The following UMAD1 variants were observed in gnomAD, a reference collection of about 807,000 sequenced individuals.
The protein encoded by UMAD1 is UBAP1-MVB12-associated (UMA) domain containing 1.
UMAD1 carries 8 observed loss-of-function variants against 6.1 expected under a neutral mutation model. That is an observed-to-expected ratio of 1.30 (90% CI 0.76 to 2.35). The LOEUF (loss-of-function observed/expected upper bound fraction) is 2.35, where lower values mean the gene tolerates loss of function less well. Among genes scored for constraint, UMAD1 ranks in the 30% most tolerant of loss-of-function variants. UMAD1 has a pLI of 0.00. For missense variants in UMAD1, 130 were observed against 78.4 expected (o/e 1.66, Z -2.49); for synonymous variants, 56 against 31.4 (o/e 1.78, Z -2.61).
chr7:7,717,056 T>C (rs117310337), intron 2 of UMAD1, among the ~76,000 whole-genome samples: 11,540 of 149,758 alleles, frequency 0.077, 579 homozygotes, highest in Non-Finnish European at 0.098. Flanking sequence ...TTCTTTCTTT[T>C]TTTCTTTTTT....
At chr7:7,789,952 T>A (rs1279608990) in intron 2 of UMAD1, among the ~76,000 whole-genome samples, 1 of 152,204 alleles carries the variant, frequency 6.6e-6, no homozygotes, top group Non-Finnish European at 1.5e-5. Context: ...TGCTTTCGGT[T>A]CCTTTGGGAA....
intron 2 of UMAD1, among the ~76,000 whole-genome samples, chr7:7,781,963 T>C (rs6944658): frequency 0.48 from 72,261 of 151,858 alleles, 17,205 homozygotes; most frequent in Non-Finnish European, 0.51. Context: ...TTTCTCTAGC[T>C]TTGTATTTTG....
At chr7:7,667,026 C>G (rs541226143) in intron 1 of UMAD1, among the ~76,000 whole-genome samples, 1 of 152,288 alleles carries the variant, frequency 6.6e-6, no homozygotes, top group Admixed American at 6.5e-5. Context: ...TAGGCCAGGT[C>G]TCTAACTCCT....
At chr7:7,752,134 TAAAAC>T (rs1781689973) in intron 2 of UMAD1, among the ~76,000 whole-genome samples, 1 of 152,084 alleles carries the variant, frequency 6.6e-6, no homozygotes, top group East Asian at 1.9e-4. Flanking sequence ...TAATGGAACA[TAAAAC>T]TAAAGCAACA....
intron 2 of UMAD1, among the ~76,000 whole-genome samples, chr7:7,791,256 G>A (rs2115264080): frequency 1.3e-5 from 2 of 152,288 alleles, no homozygotes; most frequent in South Asian, 4.2e-4. Flanking sequence ...ATTTTTTTAT[G>A]GCAGTCCTGT....
chr7:7,643,861 T>G (rs10253697), intron 1 of UMAD1, among the ~76,000 whole-genome samples: 51,094 of 151,798 alleles, frequency 0.34, 9,852 homozygotes, highest in African/African-American at 0.52. Context: ...AAAGTAAACT[T>G]CCATTCCTGC....
chr7:7,643,690 CCACAGAGCGAGACT>C (rs1785028044), intron 1 of UMAD1, among the ~76,000 whole-genome samples: 1 of 150,620 alleles, frequency 6.6e-6, no homozygotes, highest in South Asian at 2.1e-4. Context: ...CCAACCTGGG[CCACAGAGCGAGACT>C]CCCTCTCAAA....
At chr7:7,698,383 C>A (rs1320708024) in intron 2 of UMAD1, among the ~76,000 whole-genome samples, 1 of 152,168 alleles carries the variant, frequency 6.6e-6, no homozygotes, top group East Asian at 1.9e-4. Context: ...TCAATTTCAA[C>A]CAAACTGGTA....
At chr7:7,744,888 G>C (rs1290728027) in intron 2 of UMAD1, among the ~76,000 whole-genome samples, 2 of 151,976 alleles carry the variant, frequency 1.3e-5, no homozygotes, top group African/African-American at 4.8e-5. Context: ...TCATAATACA[G>C]TTGACCCTTA....
At chr7:7,794,418 A>G (rs1782629873) in intron 2 of UMAD1, among the ~76,000 whole-genome samples, 1 of 152,178 alleles carries the variant, frequency 6.6e-6, no homozygotes. Context: ...CCTAATCGGA[A>G]TCCCAGAATT....
intron 1 of UMAD1, among the ~76,000 whole-genome samples, chr7:7,661,019 T>G (rs1404111433): frequency 6.8e-6 from 1 of 146,320 alleles, no homozygotes; most frequent in Non-Finnish European, 1.5e-5. Flanking sequence ...GTTTTTTTTT[T>G]GTTTTGTTTT....
chr7:7,847,633 C>G (rs950142325), intron 3 of UMAD1, among the ~76,000 whole-genome samples: 2 of 152,022 alleles, frequency 1.3e-5, no homozygotes, highest in Non-Finnish European at 2.9e-5. Context: ...AGTTGGTTTC[C>G]TAGTGTTTTG....
At chr7:7,742,901 TATC>T (rs1781502841) in intron 2 of UMAD1, among the ~76,000 whole-genome samples, 3 of 152,218 alleles carry the variant, frequency 2.0e-5, no homozygotes, top group Non-Finnish European at 2.9e-5. Context: ...ATGTTCAAAA[TATC>T]ATCATGTTAA....
chr7:7,730,181 C>T (rs2115191186), intron 2 of UMAD1, among the ~76,000 whole-genome samples: 1 of 152,292 alleles, frequency 6.6e-6, no homozygotes, highest in South Asian at 2.1e-4. Flanking sequence ...CTTCTGTGGT[C>T]TTTTCTCATC....
chr7:7,670,056 A>G (rs1779567216), intron 1 of UMAD1, among the ~76,000 whole-genome samples: 1 of 152,170 alleles, frequency 6.6e-6, no homozygotes, highest in Non-Finnish European at 1.5e-5. Flanking sequence ...TTGATGTTTT[A>G]GGTCATTAAA....
rs1048142694 is a variant in UMAD1 at position 7,830,429 on chromosome 7, T to C, written c.156+28686T>C. 6.6e-6 allele frequency among the ~76,000 whole-genome samples: 1 copy of C among 152,176 alleles called. No individual in the cohort carries two copies. The highest frequency in any genetic ancestry group is 2.4e-5 in the African/African-American group (1 of 41,448). ...TGCTTGAAGCACGTTCATACTATAT[T>C]GATTTTTTACCTCTATTAGGTAAAA... On this transcript the variant is annotated intron_variant, in intron 3 of 3. Transcript: ENST00000682710. The surrounding 1 kb of genome is among the most constrained non-coding windows in gnomAD (Gnocchi z 5.3).
At chr7:7,657,717 T>C (rs1785376588) in intron 1 of UMAD1, among the ~76,000 whole-genome samples, 1 of 152,222 alleles carries the variant, frequency 6.6e-6, no homozygotes, top group Admixed American at 6.5e-5. Context: ...TACTGTAGTC[T>C]TGTAGTATAG....
chr7:7,806,397 T>G (rs935394852), intron 3 of UMAD1, among the ~76,000 whole-genome samples: 5 of 152,210 alleles, frequency 3.3e-5, no homozygotes, highest in African/African-American at 7.2e-5. Context: ...ATGCTTAGAT[T>G]GTCTTTTATG....
At chr7:7,689,993 G>C (rs1780136601) in intron 2 of UMAD1, among the ~76,000 whole-genome samples, 1 of 152,124 alleles carries the variant, frequency 6.6e-6, no homozygotes. Flanking sequence ...TAAGAAATTG[G>C]TTGAGGGTTT....
Sources: allele counts gnomAD v4.1 joint callset (sites outside exome capture counted in the v4.1 genomes callset), GRCh38; gene constraint gnomAD v4.1.1; non-coding constraint Gnocchi (gnomAD v3.1); transcripts MANE v1.5; gene names NCBI Gene and HGNC (gene_info 2026-07-23, HGNC 2026-07-21).